The following YIPF7 variants were observed in gnomAD, a reference collection of about 807,000 sequenced individuals.
YIPF7 encodes the protein Yip1 domain family member 7, also known as protein YIPF7.
In YIPF7, 35 loss-of-function variants were observed where a neutral mutation model predicts 27.2. The ratio of observed to expected loss-of-function variants is 1.29; its 90% CI spans 0.98 to 1.70. The LOEUF is 1.70. Ranked by LOEUF, YIPF7 falls within the 40% of genes most tolerant of loss-of-function variation. The pLI is 0.00. For missense variants in YIPF7, 358 were observed against 303.7 expected (o/e 1.18, Z -1.33); for synonymous variants, 137 against 110.4 (o/e 1.24, Z -1.51).
At chr4:44,632,308 T>A (rs752276356) in intron 3 of YIPF7, among the ~76,000 whole-genome samples, 3 of 152,220 alleles carry the variant, frequency 2.0e-5, no homozygotes, top group Admixed American at 6.5e-5. Flanking sequence ...CTAGTGGTAG[T>A]AAAGTATATG....
intron 1 of YIPF7, among the ~76,000 whole-genome samples, chr4:44,650,511 A>G (rs998599921): frequency 6.7e-6 from 1 of 149,406 alleles, no homozygotes; most frequent in Non-Finnish European, 1.5e-5. Context: ...GCGCGCGCAC[A>G]CACACACACA....
intron 2 of YIPF7, among the ~76,000 whole-genome samples, chr4:44,642,686 G>A (rs1713372569): frequency 6.6e-6 from 1 of 151,976 alleles, no homozygotes; most frequent in East Asian, 1.9e-4. Flanking sequence ...ATCCCCCTAG[G>A]GCTGTTCTCA....
rs1374077078 is a variant in YIPF7 at position 44,647,699 on chromosome 4, TA to T, written c.116+2285del. 1.1e-4 allele frequency among the ~76,000 whole-genome samples: 17 copies of T among 152,070 alleles called. No individual in the cohort carries two copies. The East Asian group carries it at 2.7e-3, about 24-fold the overall frequency. On this transcript the variant is annotated intron_variant, in intron 2 of 5. Coordinates refer to ENST00000415895, the MANE Select transcript of YIPF7 (RefSeq NM_182592.3). ...TTCCAGATATTCAACTTTTCCAGCC[TA>T]AAAAAAATTATATCTCAATACCTTT...
chr4:44,624,516 AG>A, intron 5 of YIPF7, 84 bp downstream of exon 5: 2 of 1,391,806 alleles, frequency 1.4e-6, no homozygotes, highest in Non-Finnish European at 1.9e-6. Flanking sequence ...CAAAACAATC[AG>A]GAAGGGCTCA....
chr4:44,636,387 A>G (rs772813101), intron 2 of YIPF7, among the ~76,000 whole-genome samples: 2 of 152,094 alleles, frequency 1.3e-5, no homozygotes, highest in Non-Finnish European at 2.9e-5. Flanking sequence ...TTCTAATCCC[A>G]TTTTACAGAA....
intron 3 of YIPF7, among the ~76,000 whole-genome samples, chr4:44,633,621 A>G (rs1361260577): frequency 6.6e-6 from 1 of 152,160 alleles, no homozygotes; most frequent in Non-Finnish European, 1.5e-5. Flanking sequence ...TTGGAAAGAA[A>G]TGTTACTAGA....
At chr4:44,625,341 C>T (rs183279737) in intron 4 of YIPF7, among the ~76,000 whole-genome samples, 1 of 152,230 alleles carries the variant, frequency 6.6e-6, no homozygotes, top group East Asian at 1.9e-4. Context: ...AAGTACCTTG[C>T]CCAAGGTAAT....
At chr4:44,638,071 G>A (rs1713193976) in intron 2 of YIPF7, among the ~76,000 whole-genome samples, 1 of 151,946 alleles carries the variant, frequency 6.6e-6, no homozygotes, top group African/African-American at 2.4e-5. Context: ...TATATAAATG[G>A]CCAAGAAACG....
intron 3 of YIPF7, among the ~76,000 whole-genome samples, chr4:44,633,133 T>C (rs1712980107): frequency 6.6e-6 from 1 of 152,176 alleles, no homozygotes; most frequent in Admixed American, 6.5e-5. Context: ...TGATCTGAAG[T>C]GGAAGAGTTT....
chr4:44,659,882 G>A (rs1371753638), intron 2 of YIPF7, among the ~76,000 whole-genome samples: 5 of 151,908 alleles, frequency 3.3e-5, no homozygotes, highest in Admixed American at 6.6e-5. Context: ...GGGAGGCCAA[G>A]GCAGGTGGAT....
At chr4:44,628,267 T>C (rs1476235419) in intron 4 of YIPF7, among the ~76,000 whole-genome samples, 1 of 152,178 alleles carries the variant, frequency 6.6e-6, no homozygotes, top group African/African-American at 2.4e-5. Flanking sequence ...ACTATTGTAT[T>C]GGATGAATAT....
intron 2 of YIPF7, among the ~76,000 whole-genome samples, chr4:44,639,320 A>C (rs927150067): frequency 2.0e-5 from 3 of 152,172 alleles, no homozygotes; most frequent in African/African-American, 7.2e-5. Context: ...CTTTCAATCC[A>C]TGAGCATGAG....
At chr4:44,661,649 A>G (rs1476281177) in intron 1 of YIPF7, among the ~76,000 whole-genome samples, 1 of 152,232 alleles carries the variant, frequency 6.6e-6, no homozygotes, top group Non-Finnish European at 1.5e-5. Flanking sequence ...CAACAATAAA[A>G]AGCAGCATAA....
intron 2 of YIPF7, among the ~76,000 whole-genome samples, chr4:44,646,304 T>C (rs898473723): frequency 6.6e-6 from 1 of 152,208 alleles, no homozygotes; most frequent in Non-Finnish European, 1.5e-5. Context: ...CAGGGAGTGG[T>C]AGCTGGGATA....
At chr4:44,649,307 T>C (rs1713642517) in intron 2 of YIPF7, among the ~76,000 whole-genome samples, 1 of 152,116 alleles carries the variant, frequency 6.6e-6, no homozygotes, top group Non-Finnish European at 1.5e-5. Context: ...TTCACTTGGC[T>C]CAGGCTGAGG....
chr4:44,658,239 TAAG>T (rs1215210909), intron 2 of YIPF7, among the ~76,000 whole-genome samples: 1 of 152,062 alleles, frequency 6.6e-6, no homozygotes, highest in African/African-American at 2.4e-5. Context: ...AGTAATCTTA[TAAG>T]AAGAGGCCAG....
chr4:44,658,350 G>A (rs901485566), intron 2 of YIPF7, among the ~76,000 whole-genome samples: 1 of 152,252 alleles, frequency 6.6e-6, no homozygotes. Flanking sequence ...CACTATGCTG[G>A]CACCCTGATC....
chr4:44,636,914 C>A (rs10938361), intron 2 of YIPF7, among the ~76,000 whole-genome samples: 33,274 of 152,058 alleles, frequency 0.22, 3,823 homozygotes, highest in Middle Eastern at 0.36. Flanking sequence ...TACCCCCTCA[C>A]CCTTCCAAGT....
At chr4:44,636,233 A>G in intron 2 of YIPF7, 148 bp from the exon 3 acceptor site, 1 of 889,008 alleles carries the variant, frequency 1.1e-6, no homozygotes, top group Non-Finnish European at 1.6e-6. Flanking sequence ...ATTTAACTTT[A>G]GTCCAAAAAT....
Sources: gnomAD v4.1 joint callset for allele counts (sites outside exome capture counted in the v4.1 genomes callset) on GRCh38, gnomAD v4.1.1 for gene constraint, MANE v1.5 for transcripts, NCBI Gene and HGNC (gene_info 2026-07-23, HGNC 2026-07-21) for gene names.